IFI6: variants seen among roughly 807,000 people sequenced by gnomAD.
IFI6 encodes the protein interferon alpha-inducible protein 6.
A neutral mutation model predicts 12.7 loss-of-function variants in IFI6; 10 were observed. That is an observed-to-expected ratio of 0.79 (90% CI 0.49 to 1.33). The LOEUF is 1.33. Among genes scored for constraint, IFI6 ranks in the 40% most tolerant of loss-of-function variants. The pLI is 0.00. For synonymous variants in IFI6, 89 were observed against 86.2 expected, an observed-to-expected ratio of 1.03 and a Z score of -0.18; for missense variants, 154 against 180.4, an observed-to-expected ratio of 0.85 and a Z score of 0.84.
Position 27,668,455 on chromosome 1 carries a change from C to A in IFI6, c.148+3G>T. Reference sequence around the variant, plus strand: ...GCCCGAGATCCTCGCCCTCCAGACCCACCTCCTCCGACGGCCATGAAGGTC... The same window carrying A: ...GCCCGAGATCCTCGCCCTCCAGACCAACCTCCTCCGACGGCCATGAAGGTC... On this transcript the variant is annotated splice_donor_region_variant and intron_variant, in intron 3 of 4. Coordinates refer to ENST00000361157, the MANE Select transcript of IFI6 (RefSeq NM_002038.4). 6.2e-7 allele frequency: 1 copy of A among 1,609,810 alleles called. No homozygotes were observed. Among genetic ancestry groups the A allele is most frequent in the East Asian group, 2.2e-5 (1 of 44,568 alleles).
rs368480698 is a variant in IFI6, at chr1:27,669,330, G to A, written c.-16C>T. On this transcript the variant is annotated 5_prime_UTR_variant, in exon 2 of 5. Transcript: ENST00000361157. The stretch of plus-strand genomic sequence containing the variant: ...TCTGCCGCATGGTGGCGCCGCGCGC[G>A]GGCTCCGTCACTAGACCTGCGAACG... The A allele has an allele frequency of 9.5e-5, 147 of 1,552,118 alleles. 1 individual carries two copies. The South Asian group carries it at 1.7e-3, about 18-fold the overall frequency.
chr1:27,670,254 A>G (rs2090394315), intron 1 of IFI6: 1 of 150,860 alleles, frequency 6.6e-6, no homozygotes, highest in South Asian at 2.1e-4. Flanking sequence ...CTTTACTTAC[A>G]TATACTGGTT....
chr1:27,669,567 C>T, intron 1 of IFI6: 2 of 499,512 alleles, frequency 4.0e-6, no homozygotes, highest in South Asian at 4.0e-5. Flanking sequence ...TGTGCGGATT[C>T]GCACGGTGTT....
chr1:27,669,068 CATCCTT>C, intron 2 of IFI6, among the ~76,000 whole-genome samples, 171 bp downstream of exon 2: 1 of 150,846 alleles, frequency 6.6e-6, no homozygotes, highest in East Asian at 2.0e-4. Context: ...TCCTTACCTG[CATCCTT>C]ACCCGCATCC....
intron 1 of IFI6, chr1:27,669,665 G>C: frequency 3.2e-6 from 1 of 309,188 alleles, no homozygotes; most frequent in East Asian, 8.3e-5. Flanking sequence ...AGGATACTAG[G>C]GTACTTTGCT....
intron 2 of IFI6, 52 bp downstream of exon 2, chr1:27,669,193 T>G: frequency 3.9e-6 from 6 of 1,541,516 alleles, no homozygotes; most frequent in Non-Finnish European, 5.3e-6. Flanking sequence ...ACTTGCATCC[T>G]TACCTGCACC....
At position 27,668,253 on chromosome 1, in the gene IFI6, C is replaced by T; in HGVS notation, c.271G>A (p.Gly91Arg). The T allele has an allele frequency of 6.4e-7, 1 of 1,573,818 alleles. No homozygotes were observed. Among genetic ancestry groups the T allele is most frequent in the Non-Finnish European group, 8.6e-7 (1 of 1,165,356 alleles). ...ILNGGGVPAG[G>R]LVATLQSLGA... ...AGGCTCTGCAGCGTGGCCACTAGCCCCCCGGCGGGCACGCCGCCCCCATTC... is the reference window on the plus strand; with the variant it reads ...AGGCTCTGCAGCGTGGCCACTAGCCTCCCGGCGGGCACGCCGCCCCCATTC... The change falls in exon 4 of 5, where the codon GGG becomes AGG. Residue 91 changes from glycine to arginine, a missense_variant. Physicochemically the swap from Gly to Arg is moderately radical, Grantham distance 125 (BLOSUM62 -2). Coordinates refer to ENST00000361157, the MANE Select transcript of IFI6 (RefSeq NM_002038.4).
Position 27,669,278 on chromosome 1 carries a change from G to C in IFI6, c.37C>G (p.Leu13Val), listed in dbSNP as rs1197148055. 1 of 1,552,144 alleles carries C rather than the reference G, an allele frequency of 6.4e-7. No individual in the cohort carries two copies. Among genetic ancestry groups the C allele is most frequent in the African/African-American group, 1.4e-5 (1 of 73,082 alleles). ...ACCCCACTGCAAGTGAAGAGCAGCA[G>C]GTAGCACAAGAAAAGCGATACCGCC... ...QKAVSLFLCY[L>V]LLFTCSGVEA... Residue 13 changes from leucine to valine, a missense_variant, in exon 2 of 5, where the codon CTG becomes GTG. Transcript: ENST00000361157.
Position 27,669,346 on chromosome 1 carries a change from C to A in IFI6, c.-32G>T. 6.5e-7 allele frequency: 1 copy of A among 1,544,142 alleles called. No homozygotes were observed. Among genetic ancestry groups the A allele is most frequent in the Non-Finnish European group, 8.8e-7 (1 of 1,140,090 alleles). On this transcript the variant is annotated splice_region_variant and 5_prime_UTR_variant, in exon 2 of 5. Transcript: ENST00000361157. ...GCCGCGCGCGGGCTCCGTCACTAGA[C>A]CTGCGAACGGGCGAGAGGGAGATGG...
At chr1:27,669,450 G>A (rs530850129) in intron 1 of IFI6, 104 bp from the exon 2 acceptor site, 10 of 716,082 alleles carry the variant, frequency 1.4e-5, no homozygotes, top group Non-Finnish European at 1.9e-5. Context: ...AAGCAGCGAG[G>A]TGTGGTGAAT....
At position 27,669,298 on chromosome 1, in the gene IFI6, A is replaced by ACCG; in HGVS notation, c.14_16dup (p.Ala5dup). ...CAGCAGGTAGCACAAGAAAAGCGAT[A>ACCG]CCGCCTTCTGCCGCATGGTGGCGCC... On this transcript the variant is annotated inframe_insertion, in exon 2 of 5. Coordinates refer to ENST00000361157, the MANE Select transcript of IFI6 (RefSeq NM_002038.4). 1.9e-6 allele frequency: 3 copies of ACCG among 1,552,668 alleles called. No individual in the cohort carries two copies. The highest frequency in any genetic ancestry group is 2.6e-6 in the Non-Finnish European group (3 of 1,147,396).
chr1:27,670,060 C>G (rs2148545362), intron 1 of IFI6: 1 of 152,346 alleles, frequency 6.6e-6, no homozygotes, highest in Middle Eastern at 3.4e-3. Flanking sequence ...AAATTCAATT[C>G]TGACACCACT....
At chr1:27,671,862 C>T (rs1571436247) in intron 1 of IFI6, among the ~76,000 whole-genome samples, 2 of 152,316 alleles carry the variant, frequency 1.3e-5, no homozygotes, top group East Asian at 1.9e-4. Context: ...CAAGAGGTGA[C>T]AGTGTTAAGG....
At chr1:27,666,601 G>T (rs2090353729) in intron 4 of IFI6, 126 bp from the exon 5 acceptor site, 1 of 594,612 alleles carries the variant, frequency 1.7e-6, no homozygotes, top group East Asian at 2.9e-5. Flanking sequence ...CCTGAGAGGG[G>T]ATGGCACTAC....
chr1:27,669,466 CCA>C (rs2090387975), intron 1 of IFI6, 120 bp from the exon 2 acceptor site: 3 of 645,404 alleles, frequency 4.6e-6, no homozygotes, highest in Non-Finnish European at 8.4e-6. Flanking sequence ...TGAATGGAAC[CCA>C]GGATCCCTCT....
intron 2 of IFI6, among the ~76,000 whole-genome samples, 159 bp downstream of exon 2, chr1:27,669,064 CCTGCATCCTTACCCGCATCCTT>C (rs1354034180): frequency 6.6e-6 from 1 of 150,752 alleles, no homozygotes; most frequent in African/African-American, 2.4e-5. Flanking sequence ...CGCATCCTTA[CCTGCATCCTTACCCGCATCCTT>C]ACCTGCACCC....
intron 1 of IFI6, among the ~76,000 whole-genome samples, chr1:27,671,143 T>G (rs2090400892): frequency 6.6e-6 from 1 of 152,142 alleles, no homozygotes; most frequent in Non-Finnish European, 1.5e-5. Flanking sequence ...GCTATTTTCT[T>G]AAGTTAAAAA....
chr1:27,671,442 G>A (rs978692398), intron 1 of IFI6, among the ~76,000 whole-genome samples: 3 of 145,578 alleles, frequency 2.1e-5, no homozygotes, highest in South Asian at 2.2e-4. Flanking sequence ...GTGCAGTGGC[G>A]CAATCTCATC....
At chr1:27,670,622 C>T (rs1266546135) in intron 1 of IFI6, among the ~76,000 whole-genome samples, 1 of 152,094 alleles carries the variant, frequency 6.6e-6, no homozygotes, top group Non-Finnish European at 1.5e-5. Context: ...TACAAATGCT[C>T]CGGATGAAGA....
Sources: gnomAD v4.1 joint callset for allele counts (sites outside exome capture counted in the v4.1 genomes callset) on GRCh38, gnomAD v4.1.1 for gene constraint, MANE v1.5 for transcripts, NCBI Gene and HGNC (gene_info 2026-07-23, HGNC 2026-07-21) for gene names.